The following TCF7L1 variants were observed in gnomAD, a reference collection of about 807,000 sequenced individuals.
The protein encoded by TCF7L1 is transcription factor 7-like 1.
A neutral mutation model predicts 63.7 loss-of-function variants in TCF7L1; 18 were observed. That is an observed-to-expected ratio of 0.28 (90% CI 0.20 to 0.42). The LOEUF (loss-of-function observed/expected upper bound fraction) is 0.42. Among genes scored for constraint, TCF7L1 ranks in the 10% least tolerant of loss-of-function variants. TCF7L1 has a pLI of 1.00. For synonymous variants in TCF7L1, 355 were observed against 340.9 expected (o/e 1.04, Z -0.46); for missense variants, 654 against 779.3 (o/e 0.84, Z 1.91).
chr2:85,159,633 A>G (rs1321517376), intron 3 of TCF7L1, among the ~76,000 whole-genome samples: 2 of 152,140 alleles, frequency 1.3e-5, no homozygotes, highest in African/African-American at 4.8e-5. Flanking sequence ...CCTTTGACCT[A>G]CTGGAGATGG....
intron 3 of TCF7L1, among the ~76,000 whole-genome samples, chr2:85,205,925 C>T (rs911979092): frequency 3.3e-5 from 5 of 152,222 alleles, no homozygotes; most frequent in Non-Finnish European, 7.3e-5. Context: ...TTAGTTGGAT[C>T]CTGGAGATGG....
intron 3 of TCF7L1, among the ~76,000 whole-genome samples, chr2:85,226,723 A>T (rs905603728): frequency 6.6e-6 from 1 of 151,710 alleles, no homozygotes; most frequent in Non-Finnish European, 1.5e-5. Flanking sequence ...TCCCAGAGCC[A>T]TCTCTCAGAA....
At position 85,283,551 on chromosome 2, in the gene TCF7L1, C is replaced by G; in HGVS notation, c.498C>G (p.Asp166Glu). ...TCCCCTCCAGCGCCACAGTCAAGGA[C>G]ACGAGGTCACCATCTCCAGCACACT... ...LDVPSSATVK[D>E]TRSPSPAHLS... The change falls in exon 4 of 12, where the codon GAC becomes GAG. Residue 166 changes from aspartate to glutamate, a missense_variant. By Grantham distance (45) the Asp-to-Glu change is conservative (BLOSUM62 2). Around this residue, in one of 3 missense-constraint regions of TCF7L1, gnomAD observed 404 missense variants for 454.8 expected, o/e 0.89. Coordinates refer to ENST00000282111, the MANE Select transcript of TCF7L1 (RefSeq NM_031283.3). The G allele has an allele frequency of 1.2e-6, 2 of 1,614,170 alleles. No homozygotes were observed. The highest frequency in any genetic ancestry group is 3.3e-5 in the Admixed American group (2 of 60,022).
chr2:85,192,495 C>A (rs1481013978), intron 3 of TCF7L1, among the ~76,000 whole-genome samples: 1 of 152,108 alleles, frequency 6.6e-6, no homozygotes, highest in Non-Finnish European at 1.5e-5. Flanking sequence ...TCAAGCGATT[C>A]TCATGCGTCA....
intron 3 of TCF7L1, among the ~76,000 whole-genome samples, chr2:85,270,879 A>AT (rs1681137181): frequency 6.6e-6 from 1 of 150,838 alleles, no homozygotes; most frequent in African/African-American, 2.4e-5. Flanking sequence ...TTTTGTAGAG[A>AT]CGGGGTCTCA....
intron 3 of TCF7L1, among the ~76,000 whole-genome samples, chr2:85,168,068 TAA>T (rs145047979): frequency 0.031 from 4,709 of 152,242 alleles, 251 homozygotes; most frequent in African/African-American, 0.11. Context: ...TCGGTGGGTG[TAA>T]AGTTACAGAT....
At position 85,134,528 on chromosome 2, in the gene TCF7L1, T is replaced by C. The variant is rs1159691049; in HGVS notation, c.441+78T>C. On this transcript the variant is annotated intron_variant, in intron 3 of 11. Coordinates refer to ENST00000282111, the MANE Select transcript of TCF7L1 (RefSeq NM_031283.3). The surrounding 1 kb of genome is among the most constrained non-coding windows in gnomAD (Gnocchi z 5.0). ...TGCGCCCCCGGGCTTGGCCATGGAGTGGGGGATGGGGCCTTCTGCGCCGAT... is the reference window on the plus strand; with the variant it reads ...TGCGCCCCCGGGCTTGGCCATGGAGCGGGGGATGGGGCCTTCTGCGCCGAT... The C allele has an allele frequency of 1.3e-5, 20 of 1,492,566 alleles. No homozygotes were observed. Among genetic ancestry groups the C allele is most frequent in the Non-Finnish European group, 1.8e-5 (20 of 1,117,222 alleles). The allele number at this position is 1,492,566 out of a possible 1,614,324, so 92.5% of individuals were successfully genotyped here. A position where few individuals can be genotyped will look rare whatever the true frequency, so the allele number is the denominator to read the frequency against.
At chr2:85,182,172 T>C (rs1678819356) in intron 3 of TCF7L1, among the ~76,000 whole-genome samples, 1 of 152,110 alleles carries the variant, frequency 6.6e-6, no homozygotes, top group African/African-American at 2.4e-5. Context: ...AAACTGAGCT[T>C]GTTCGTCAGA....
chr2:85,133,973 C>A lies in TCF7L1; in HGVS notation c.249+40C>A. The stretch of plus-strand genomic sequence containing the variant: ...CGGCCACCCCCGGGGGATCCCGGCC[C>A]TGCGTCCGCTCACCCGCTCTTGCCT... On this transcript the variant is annotated intron_variant, in intron 1 of 11. Transcript: ENST00000282111. This position sits in a 1 kb window ranked among gnomAD's most constrained non-coding sequence, Gnocchi z 4.4. The A allele has an allele frequency of 6.3e-7, 1 of 1,586,864 alleles. No homozygotes were observed. The highest frequency in any genetic ancestry group is 8.6e-7 in the Non-Finnish European group (1 of 1,167,126).
intron 3 of TCF7L1, among the ~76,000 whole-genome samples, chr2:85,275,877 G>A (rs557200509): frequency 7.4e-6 from 1 of 134,320 alleles, no homozygotes; most frequent in African/African-American, 2.8e-5. Context: ...CTATGATTGC[G>A]CCACTGCACT....
At chr2:85,295,377 T>G (rs1468039277) in intron 4 of TCF7L1, among the ~76,000 whole-genome samples, 1 of 151,966 alleles carries the variant, frequency 6.6e-6, no homozygotes, top group African/African-American at 2.4e-5. Context: ...AATTTTGTAT[T>G]TTTAGTAGAA....
intron 3 of TCF7L1, among the ~76,000 whole-genome samples, chr2:85,236,571 G>C (rs1160906507): frequency 6.6e-6 from 1 of 152,170 alleles, no homozygotes; most frequent in East Asian, 1.9e-4. Context: ...TGCTGGGCTT[G>C]TCAGATTTCT....
At chr2:85,153,340 A>ATGTTTTT (rs750002994) in intron 3 of TCF7L1, among the ~76,000 whole-genome samples, 2 of 102,308 alleles carry the variant, frequency 2.0e-5, no homozygotes, top group Non-Finnish European at 3.6e-5. Context: ...GCCTTTATAA[A>ATGTTTTT]TTTTTTTTTT....
intron 3 of TCF7L1, among the ~76,000 whole-genome samples, chr2:85,177,269 G>C (rs1678697665): frequency 6.6e-6 from 1 of 152,098 alleles, no homozygotes; most frequent in Non-Finnish European, 1.5e-5. Context: ...CCACCCAAAG[G>C]CCCCACCTCC....
chr2:85,247,977 A>T (rs942062149), intron 3 of TCF7L1, among the ~76,000 whole-genome samples: 2 of 152,194 alleles, frequency 1.3e-5, no homozygotes, highest in African/African-American at 2.4e-5. Context: ...TGTAATGTAG[A>T]TGTGAAAAGA....
chr2:85,214,448 G>C (rs951173565), intron 3 of TCF7L1, among the ~76,000 whole-genome samples: 37 of 152,200 alleles, frequency 2.4e-4, no homozygotes, highest in African/African-American at 8.7e-4. Flanking sequence ...GTTGTTGGTA[G>C]TTTTGAATTG....
intron 3 of TCF7L1, among the ~76,000 whole-genome samples, chr2:85,168,548 C>T (rs936472267): frequency 1.3e-5 from 2 of 151,676 alleles, no homozygotes; most frequent in Non-Finnish European, 2.9e-5. Context: ...ACCATCCACC[C>T]ACCGCCTGGT....
chr2:85,228,862 A>G (rs906292867), intron 3 of TCF7L1, among the ~76,000 whole-genome samples: 2 of 150,558 alleles, frequency 1.3e-5, no homozygotes, highest in Non-Finnish European at 3.0e-5. Flanking sequence ...AAAAAAAAAA[A>G]TACAAAAAAT....
chr2:85,197,549 T>TC (rs1236207122), intron 3 of TCF7L1, among the ~76,000 whole-genome samples: 2 of 152,176 alleles, frequency 1.3e-5, no homozygotes, highest in African/African-American at 4.8e-5. Context: ...CTACTAAAAG[T>TC]CCATTAATTA....
Sources: gnomAD v4.1 joint callset for allele counts (sites outside exome capture counted in the v4.1 genomes callset) on GRCh38, gnomAD v4.1.1 for gene constraint, gnomAD v4.1.1 regional missense constraint, Gnocchi (gnomAD v3.1) non-coding constraint, MANE v1.5 for transcripts, NCBI Gene and HGNC (gene_info 2026-07-23, HGNC 2026-07-21) for gene names.